AKAP12: variants seen among roughly 807,000 people sequenced by gnomAD.
The protein encoded by AKAP12 is A-kinase anchoring protein 12, also known as A-kinase anchor protein 12.
Under a neutral mutation model 79.9 loss-of-function variants are expected in AKAP12, and 32 were observed. The observed-to-expected ratio is 0.40, with a 90% CI of 0.30 to 0.54. The LOEUF is 0.54. Among genes scored for constraint, AKAP12 ranks in the 20% least tolerant of loss-of-function variants. The pLI, the probability that AKAP12 is intolerant of heterozygous loss-of-function variation, is 0.48. For synonymous variants in AKAP12, 808 were observed against 857.0 expected (o/e 0.94, Z 1.00); for missense variants, 2,074 against 2,177.0 (o/e 0.95, Z 0.94).
chr6:151,325,478 A>G (rs903030940), intron 3 of AKAP12: 1 of 985,216 alleles, frequency 1.0e-6, no homozygotes, highest in Non-Finnish European at 1.2e-6. Flanking sequence ...CTGACCACTC[A>G]CAGAGCCCAG....
chr6:151,258,943 TG>T (rs1797354938), intron 2 of AKAP12, among the ~76,000 whole-genome samples: 1 of 151,798 alleles, frequency 6.6e-6, no homozygotes, highest in African/African-American at 2.4e-5. Context: ...TGTGTGTGTG[TG>T]TGTGTTTATA....
chr6:151,291,024 C>G (rs1346618781), intron 2 of AKAP12, among the ~76,000 whole-genome samples: 1 of 152,216 alleles, frequency 6.6e-6, no homozygotes, highest in African/African-American at 2.4e-5. Flanking sequence ...CTCCCCCTCT[C>G]TGCACATAAA....
At chr6:151,335,903 C>G (rs1215963751) in intron 3 of AKAP12, among the ~76,000 whole-genome samples, 1 of 152,160 alleles carries the variant, frequency 6.6e-6, no homozygotes, top group East Asian at 1.9e-4. Flanking sequence ...TACTATTTTT[C>G]AACTCTCACT....
chr6:151,240,535 C>A lies in AKAP12; in HGVS notation c.-28C>A. 1 of 1,417,790 alleles carries A rather than the reference C, an allele frequency of 7.1e-7. No individual in the cohort carries two copies. Among genetic ancestry groups the A allele is most frequent in the South Asian group, 1.5e-5 (1 of 68,656 alleles). The allele number at this position is 1,417,790 out of a possible 1,614,324, so 87.8% of individuals were successfully genotyped here. A position where few individuals can be genotyped will look rare whatever the true frequency, so the allele number is the denominator to read the frequency against. On this transcript the variant is annotated 5_prime_UTR_variant, in exon 2 of 5. Coordinates refer to ENST00000402676, the MANE Select transcript of AKAP12 (RefSeq NM_005100.4). ...GCTTGGGGAAGGCGTAACCCGGCGGCTAGGCGCGGGAGAAGTGCGGAGGAG... is the reference window on the plus strand; with the variant it reads ...GCTTGGGGAAGGCGTAACCCGGCGGATAGGCGCGGGAGAAGTGCGGAGGAG...
chr6:151,249,474 T>C (rs1191987451), intron 2 of AKAP12, among the ~76,000 whole-genome samples: 1 of 152,198 alleles, frequency 6.6e-6, no homozygotes, highest in Non-Finnish European at 1.5e-5. Context: ...CACCTACGCC[T>C]GGCCATTTCA....
intron 2 of AKAP12, among the ~76,000 whole-genome samples, chr6:151,295,966 CACCAAGCAGTAAGGGA>C (rs1288819785): frequency 6.6e-6 from 1 of 152,194 alleles, no homozygotes; most frequent in African/African-American, 2.4e-5. Flanking sequence ...AAAGTGATGT[CACCAAGCAGTAAGGGA>C]ACTTTTTTGG....
At chr6:151,301,701 C>T (rs182363564) in intron 2 of AKAP12, among the ~76,000 whole-genome samples, 1 of 152,106 alleles carries the variant, frequency 6.6e-6, no homozygotes, top group Non-Finnish European at 1.5e-5. Flanking sequence ...TGAAAGCTCA[C>T]CTGAGACATC....
intron 3 of AKAP12, among the ~76,000 whole-genome samples, chr6:151,311,038 G>A (rs559876658): frequency 1.2e-4 from 18 of 152,248 alleles, no homozygotes; most frequent in Admixed American, 2.6e-4. Flanking sequence ...TGCAATCATG[G>A]TTCGACGTAG....
At chr6:151,348,033 A>G (rs1765223391) in intron 3 of AKAP12, among the ~76,000 whole-genome samples, 1 of 151,426 alleles carries the variant, frequency 6.6e-6, no homozygotes, top group South Asian at 2.1e-4. Context: ...AAAAAAAATT[A>G]GCCTCCCTAC....
At chr6:151,257,991 A>G (rs1797333975) in intron 2 of AKAP12, among the ~76,000 whole-genome samples, 1 of 152,234 alleles carries the variant, frequency 6.6e-6, no homozygotes, top group African/African-American at 2.4e-5. Flanking sequence ...TCCAGTAACA[A>G]CTGTTTGTAG....
chr6:151,286,773 C>T (rs1244546656), intron 2 of AKAP12, among the ~76,000 whole-genome samples: 1 of 152,096 alleles, frequency 6.6e-6, no homozygotes. Context: ...TGACTGAGTC[C>T]CGAATGTGGT....
intron 2 of AKAP12, among the ~76,000 whole-genome samples, chr6:151,305,071 T>A (rs569035436): frequency 6.6e-6 from 1 of 152,090 alleles, no homozygotes; most frequent in Admixed American, 6.5e-5. Flanking sequence ...ACCCCGTTTA[T>A]CCTTTTCTTA....
intron 3 of AKAP12, chr6:151,325,664 C>A: frequency 7.1e-7 from 1 of 1,414,070 alleles, no homozygotes; most frequent in South Asian, 1.6e-5. Flanking sequence ...TGGGGAAATG[C>A]ATCCGCGCTC....
At chr6:151,249,749 A>G (rs755542171) in intron 2 of AKAP12, among the ~76,000 whole-genome samples, 3 of 152,184 alleles carry the variant, frequency 2.0e-5, no homozygotes, top group Non-Finnish European at 4.4e-5. Flanking sequence ...ATTTCCTTTT[A>G]CTTTTAAATT....
chr6:151,318,245 T>A (rs1467120121), intron 3 of AKAP12, among the ~76,000 whole-genome samples: 1 of 152,226 alleles, frequency 6.6e-6, no homozygotes. Context: ...GGCCTCCTGA[T>A]CTCTGACTTT....
chr6:151,271,908 C>T (rs1193520893), intron 2 of AKAP12, among the ~76,000 whole-genome samples: 1 of 152,110 alleles, frequency 6.6e-6, no homozygotes, highest in Non-Finnish European at 1.5e-5. Flanking sequence ...GATCCACCCA[C>T]CTCGGCCTCC....
chr6:151,286,947 T>C (rs924750023), intron 2 of AKAP12, among the ~76,000 whole-genome samples: 2 of 152,010 alleles, frequency 1.3e-5, no homozygotes, highest in East Asian at 1.9e-4. Flanking sequence ...TTCTTTCTTT[T>C]TTTTTTTTTG....
chr6:151,290,900 T>G (rs2114736456), intron 2 of AKAP12, among the ~76,000 whole-genome samples: 1 of 152,238 alleles, frequency 6.6e-6, no homozygotes, highest in South Asian at 2.1e-4. Context: ...GTGAGCCACC[T>G]TGCCCAGCCT....
At chr6:151,302,172 G>C (rs1408405339) in intron 2 of AKAP12, among the ~76,000 whole-genome samples, 3 of 151,780 alleles carry the variant, frequency 2.0e-5, no homozygotes, top group African/African-American at 4.8e-5. Context: ...CACCACACTT[G>C]GCTAATTTTT....
Sources: allele counts gnomAD v4.1 joint callset (sites outside exome capture counted in the v4.1 genomes callset), GRCh38; gene constraint gnomAD v4.1.1; transcripts MANE v1.5; gene names NCBI Gene and HGNC (gene_info 2026-07-23, HGNC 2026-07-21).